Variants in TRABD2A observed in about 807,000 individuals in gnomAD.
The protein encoded by TRABD2A is metalloprotease TIKI1.
A neutral mutation model predicts 45.6 loss-of-function variants in TRABD2A; 43 were observed. The observed-to-expected ratio is 0.94, with a 90% confidence interval of 0.74 to 1.22. TRABD2A has a LOEUF of 1.22. TRABD2A is among the 50% of genes most tolerant of loss of function. The pLI is 0.00. For synonymous variants in TRABD2A, 269 were observed against 265.0 expected, an observed-to-expected ratio of 1.02 and a Z score of -0.15; for missense variants, 642 against 652.4, an observed-to-expected ratio of 0.98 and a Z score of 0.17.
rs1319750934 is a variant in TRABD2A, at chr2:84,830,374, C to T, written c.1082+1681G>A. Among the ~76,000 whole-genome samples the T allele has an allele frequency of 1.3e-5, 2 of 152,150 alleles. No individual in the cohort carries two copies. Among genetic ancestry groups the T allele is most frequent in the African/African-American group, 4.8e-5 (2 of 41,422 alleles). Reference sequence around the variant, plus strand: ...GGACGGGATGGAGGCTCTTCTGAAGCAAGCAGCAGATCCATGCTGGAAGGG... The same window carrying T: ...GGACGGGATGGAGGCTCTTCTGAAGTAAGCAGCAGATCCATGCTGGAAGGG... On this transcript the variant is annotated intron_variant, in intron 5 of 6. Coordinates refer to ENST00000409520, the MANE Select transcript of TRABD2A (RefSeq NM_001277053.2). The surrounding 1 kb of genome is among the most constrained non-coding windows in gnomAD (Gnocchi z 4.9).
At chr2:84,843,316 A>T (rs1158232054) in intron 2 of TRABD2A, among the ~76,000 whole-genome samples, 1 of 152,128 alleles carries the variant, frequency 6.6e-6, no homozygotes, top group African/African-American at 2.4e-5. Flanking sequence ...GTCTTTAGCA[A>T]GATGTTTCAA....
intron 5 of TRABD2A, among the ~76,000 whole-genome samples, chr2:84,827,012 T>G (rs1681170075): frequency 1.3e-5 from 2 of 152,192 alleles, no homozygotes; most frequent in African/African-American, 4.8e-5. Flanking sequence ...CCTAGGTCAA[T>G]AGAGGTGGCT....
intron 2 of TRABD2A, among the ~76,000 whole-genome samples, chr2:84,848,706 G>A (rs1681987474): frequency 6.6e-6 from 1 of 151,768 alleles, no homozygotes; most frequent in South Asian, 2.1e-4. Flanking sequence ...CACCCGAGTA[G>A]CTGGGATTAC....
intron 2 of TRABD2A, among the ~76,000 whole-genome samples, chr2:84,863,701 C>G (rs1310631356): frequency 1.3e-5 from 2 of 148,738 alleles, no homozygotes; most frequent in Non-Finnish European, 3.0e-5. Context: ...AACCTCTGCC[C>G]TCCGAGTTCA....
intron 5 of TRABD2A, among the ~76,000 whole-genome samples, chr2:84,829,287 G>A (rs1012939891): frequency 6.6e-6 from 1 of 151,370 alleles, no homozygotes. Flanking sequence ...CTAAAAAGAC[G>A]GATTCCTGAC....
chr2:84,850,553 G>A (rs921768662), intron 2 of TRABD2A, among the ~76,000 whole-genome samples: 1 of 152,092 alleles, frequency 6.6e-6, no homozygotes, highest in Non-Finnish European at 1.5e-5. Context: ...TGGGGTCAAG[G>A]TGGAGGCCCC....
intron 2 of TRABD2A, among the ~76,000 whole-genome samples, chr2:84,851,796 C>T (rs188012021): frequency 6.6e-6 from 1 of 152,216 alleles, no homozygotes; most frequent in African/African-American, 2.4e-5. Flanking sequence ...TGTAATGGTG[C>T]TCTGCTGGTA....
chr2:84,872,184 G>A (rs769793356), intron 1 of TRABD2A, among the ~76,000 whole-genome samples: 8 of 152,250 alleles, frequency 5.3e-5, no homozygotes, highest in South Asian at 4.1e-4. Flanking sequence ...TAAGAAAGCC[G>A]GAAATGTGAA....
At chr2:84,863,603 T>C (rs921799262) in intron 2 of TRABD2A, among the ~76,000 whole-genome samples, 2 of 86,476 alleles carry the variant, frequency 2.3e-5, no homozygotes, top group Non-Finnish European at 4.5e-5. Context: ...TTTTCTTTTT[T>C]TTTTTTTTTT....
intron 5 of TRABD2A, among the ~76,000 whole-genome samples, chr2:84,824,967 T>C (rs766544228): frequency 2.6e-5 from 4 of 152,230 alleles, no homozygotes; most frequent in Non-Finnish European, 4.4e-5. Flanking sequence ...AGTCACCAAA[T>C]ACTTCTTTGA....
At chr2:84,878,479 A>G (rs1224220809) in intron 1 of TRABD2A, among the ~76,000 whole-genome samples, 3 of 151,316 alleles carry the variant, frequency 2.0e-5, no homozygotes, top group East Asian at 1.9e-4. Context: ...GAGCCAATGT[A>G]GCATCACTGC....
chr2:84,875,212 G>A (rs1327294367), intron 1 of TRABD2A, among the ~76,000 whole-genome samples: 1 of 152,200 alleles, frequency 6.6e-6, no homozygotes, highest in African/African-American at 2.4e-5. Flanking sequence ...CTTTAAGTAG[G>A]GGGACCAGAA....
intron 2 of TRABD2A, among the ~76,000 whole-genome samples, chr2:84,868,078 T>C (rs1682742751): frequency 6.6e-6 from 1 of 152,182 alleles, no homozygotes; most frequent in Non-Finnish European, 1.5e-5. Context: ...AGCCATGCCA[T>C]TACTGGTTAT....
chr2:84,876,212 G>A (rs189546211), intron 1 of TRABD2A, among the ~76,000 whole-genome samples: 1 of 152,234 alleles, frequency 6.6e-6, no homozygotes, highest in East Asian at 1.9e-4. Flanking sequence ...GAGAGGCCTG[G>A]GTCAGAGATG....
chr2:84,824,133 T>A lies in TRABD2A; in HGVS notation c.1154A>T (p.Glu385Val), dbSNP rs1362142655. 6.2e-7 allele frequency: 1 copy of A among 1,614,002 alleles called. No homozygotes were observed. Among genetic ancestry groups the A allele is most frequent in the Non-Finnish European group, 8.5e-7 (1 of 1,179,884 alleles). The change falls in exon 6 of 7, where the codon GAA becomes GTA. Residue 385 changes from glutamate (E) to valine (V), a missense_variant. Glu to Val is a moderately radical substitution (Grantham distance 121). Coordinates refer to ENST00000409520, the MANE Select transcript of TRABD2A (RefSeq NM_001277053.2). The stretch of plus-strand genomic sequence containing the variant: ...GGATACGGCTTCTGGTGCCGGTACT[T>A]CCAGGGTAGGGACTTTTGGAGCAAA... ...TIFAPKVPTLEVPAPEAVSSG... is the reference protein window; with the variant it reads ...TIFAPKVPTLVVPAPEAVSSG...
chr2:84,874,801 C>A, intron 1 of TRABD2A: 1 of 232,536 alleles, frequency 4.3e-6, no homozygotes, highest in Non-Finnish European at 8.8e-6. Flanking sequence ...ACTGACCATT[C>A]AGAACAGAGA....
At chr2:84,850,144 C>T (rs1344612649) in intron 2 of TRABD2A, among the ~76,000 whole-genome samples, 1 of 152,146 alleles carries the variant, frequency 6.6e-6, no homozygotes, top group Non-Finnish European at 1.5e-5. Context: ...TAGCAAATGC[C>T]TTCACCTAGG....
chr2:84,829,203 C>G (rs1681237802), intron 5 of TRABD2A, among the ~76,000 whole-genome samples: 1 of 152,090 alleles, frequency 6.6e-6, no homozygotes, highest in African/African-American at 2.4e-5. Flanking sequence ...CCAATAAATG[C>G]TCTTTTTCTC....
At chr2:84,838,937 A>G in intron 4 of TRABD2A, 1 of 555,600 alleles carries the variant, frequency 1.8e-6, no homozygotes, top group Non-Finnish European at 3.2e-6. Flanking sequence ...GTGATGTCAC[A>G]TGCACCAGCT....
Sources: gnomAD v4.1 joint callset for allele counts (sites outside exome capture counted in the v4.1 genomes callset) on GRCh38, gnomAD v4.1.1 for gene constraint, Gnocchi (gnomAD v3.1) non-coding constraint, MANE v1.5 for transcripts, NCBI Gene and HGNC (gene_info 2026-07-23, HGNC 2026-07-21) for gene names.